Variants in DCHS2 observed in about 807,000 individuals in gnomAD.
DCHS2 encodes dachsous cadherin-related 2.
In DCHS2, 142 loss-of-function variants were observed where a neutral mutation model predicts 182.4. That is an observed-to-expected ratio of 0.78 (90% CI 0.68 to 0.89). The LOEUF (loss-of-function observed/expected upper bound fraction) is 0.89. Ranked by LOEUF, DCHS2 falls within the 40% of genes least tolerant of loss-of-function variation. The probability of loss-of-function intolerance (pLI) is 0.00; values close to 1 mark genes in which losing one functional copy is unlikely to be tolerated. For missense variants in DCHS2, 4,319 were observed against 4,198.6 expected (o/e 1.03, Z -0.79); for synonymous variants, 1,740 against 1,663.3 (o/e 1.05, Z -1.12).
intron 14 of DCHS2, among the ~76,000 whole-genome samples, chr4:154,260,121 C>A (rs1012882911): frequency 6.6e-6 from 1 of 152,164 alleles, no homozygotes. Context: ...AGCACCTGGC[C>A]ATAGTTATTC....
chr4:154,233,585 T>C lies in DCHS2; in HGVS notation c.*951A>G, dbSNP rs1305062288. On this transcript the variant is annotated 3_prime_UTR_variant, in exon 20 of 20. Transcript: ENST00000357232. ...TTTTATCTACACAAATTTTAAAAAC[T>C]GACATTGAGTGGATAAATTATTTCA... 6.6e-6 allele frequency: 1 copy of C among 152,182 alleles called. No homozygotes were observed. The highest frequency in any genetic ancestry group is 1.5e-5 in the Non-Finnish European group (1 of 68,026). 9.4% of individuals were successfully genotyped at this position (152,182 alleles called of 1,614,324 possible).
intron 1 of DCHS2, among the ~76,000 whole-genome samples, chr4:154,464,167 A>G (rs971167769): frequency 1.3e-5 from 2 of 152,176 alleles, no homozygotes; most frequent in Non-Finnish European, 2.9e-5. Context: ...AGCATGTTAG[A>G]TAGAGGGGAC....
intron 1 of DCHS2, among the ~76,000 whole-genome samples, chr4:154,428,447 G>A (rs1471338801): frequency 6.6e-6 from 1 of 152,058 alleles, no homozygotes; most frequent in Non-Finnish European, 1.5e-5. Flanking sequence ...GCAGAGGCAG[G>A]AGGATTGCTT....
intron 8 of DCHS2, 94 bp downstream of exon 8, chr4:154,322,237 A>G: frequency 6.6e-7 from 1 of 1,509,124 alleles, no homozygotes; most frequent in Non-Finnish European, 9.1e-7. Context: ...ATTCATATAC[A>G]TACATATTAC....
chr4:154,235,074 T>C lies in DCHS2; in HGVS notation c.9578A>G (p.Lys3193Arg). 1 of 1,613,956 alleles carries C rather than the reference T, an allele frequency of 6.2e-7. No homozygotes were observed. Among genetic ancestry groups the C allele is most frequent in the Non-Finnish European group, 8.5e-7 (1 of 1,179,936 alleles). ...LPQTVQKREA[K>R]ESILADVRKE... ...TCTAACGTCAGCCAGGATGCTCTCT[T>C]TTGCCTCTCTCTTCTGAACTGTCTG... The change falls in exon 20 of 20, where the codon AAA becomes AGA. Residue 3193 changes from lysine (K) to arginine (R), a missense_variant. By Grantham distance (26) the Lys-to-Arg change is conservative. Transcript: ENST00000357232.
At chr4:154,342,560 A>G (rs1480908518) in intron 3 of DCHS2, among the ~76,000 whole-genome samples, 1 of 152,204 alleles carries the variant, frequency 6.6e-6, no homozygotes, top group Non-Finnish European at 1.5e-5. Context: ...CATTTCAACA[A>G]TGTTCACATC....
At chr4:154,421,756 T>C (rs1733122903) in intron 1 of DCHS2, among the ~76,000 whole-genome samples, 1 of 152,198 alleles carries the variant, frequency 6.6e-6, no homozygotes, top group South Asian at 2.1e-4. Flanking sequence ...TTGCACCCAT[T>C]TTCCCTTCTA....
chr4:154,364,819 G>C (rs544569567), intron 3 of DCHS2, among the ~76,000 whole-genome samples: 19 of 152,198 alleles, frequency 1.2e-4, no homozygotes, highest in African/African-American at 4.6e-4. Context: ...AAAATGTCTA[G>C]TGTAGCATCT....
chr4:154,425,302 T>C (rs532004030), intron 1 of DCHS2, among the ~76,000 whole-genome samples: 25 of 152,350 alleles, frequency 1.6e-4, no homozygotes, highest in African/African-American at 3.4e-4. Context: ...CTTGTGGTTA[T>C]ACCCAGTCCC....
intron 1 of DCHS2, 47 bp from the exon 2 acceptor site, chr4:154,377,491 A>T (rs75194430): frequency 6.8e-7 from 1 of 1,461,304 alleles, no homozygotes; most frequent in Non-Finnish European, 9.5e-7. Flanking sequence ...TGCTAGCATT[A>T]CTTTTCAGTC....
intron 13 of DCHS2, among the ~76,000 whole-genome samples, chr4:154,278,024 G>A (rs1311642677): frequency 7.7e-6 from 1 of 129,228 alleles, no homozygotes; most frequent in African/African-American, 2.9e-5. Flanking sequence ...CTGGGCAACA[G>A]AGCAAGACTC....
intron 14 of DCHS2, among the ~76,000 whole-genome samples, chr4:154,267,917 A>G (rs1382832236): frequency 6.6e-6 from 1 of 152,010 alleles, no homozygotes; most frequent in African/African-American, 2.4e-5. Context: ...GTTTCAGGGG[A>G]TTCCTTGCTG....
At chr4:154,332,402 T>C in intron 5 of DCHS2, 76 bp downstream of exon 5, 1 of 1,323,962 alleles carries the variant, frequency 7.6e-7, no homozygotes, top group Non-Finnish European at 1.0e-6. Context: ...TTTTTATTTT[T>C]ATTTTTACTT....
intron 1 of DCHS2, among the ~76,000 whole-genome samples, chr4:154,453,944 T>C (rs190325420): frequency 1.1e-4 from 17 of 152,284 alleles, no homozygotes; most frequent in African/African-American, 4.1e-4. Flanking sequence ...CAATTACTTA[T>C]TTTTTAAAGC....
At chr4:154,474,539 T>C (rs1180479786) in intron 1 of DCHS2, among the ~76,000 whole-genome samples, 1 of 152,174 alleles carries the variant, frequency 6.6e-6, no homozygotes, top group Non-Finnish European at 1.5e-5. Context: ...GTTTGCATCA[T>C]GGTTCACCTT....
At chr4:154,416,819 C>T (rs1732852118) in intron 1 of DCHS2, among the ~76,000 whole-genome samples, 1 of 152,184 alleles carries the variant, frequency 6.6e-6, no homozygotes, top group African/African-American at 2.4e-5. Flanking sequence ...TCCAGCTCCT[C>T]GCTGCACCTT....
intron 16 of DCHS2, among the ~76,000 whole-genome samples, chr4:154,248,127 C>A (rs180951993): frequency 6.6e-6 from 1 of 151,938 alleles, no homozygotes; most frequent in Non-Finnish European, 1.5e-5. Context: ...GCATTCAGTG[C>A]ATAGATATAG....
intron 6 of DCHS2, 130 bp downstream of exon 6, chr4:154,329,393 G>T: frequency 1.1e-6 from 1 of 902,412 alleles, no homozygotes; most frequent in Non-Finnish European, 1.7e-6. Context: ...ACAGTATCTA[G>T]GTCTTCTAGA....
intron 14 of DCHS2, among the ~76,000 whole-genome samples, chr4:154,267,462 G>A (rs571788208): frequency 1.3e-5 from 2 of 152,108 alleles, no homozygotes; most frequent in South Asian, 4.1e-4. Context: ...ATGAAGCACT[G>A]GTGGAACCAT....
Sources: allele counts gnomAD v4.1 joint callset (sites outside exome capture counted in the v4.1 genomes callset), GRCh38; gene constraint gnomAD v4.1.1; transcripts MANE v1.5; gene names NCBI Gene and HGNC (gene_info 2026-07-23, HGNC 2026-07-21).